TAFA5: variants seen among roughly 807,000 people sequenced by gnomAD.
TAFA5 encodes chemokine-like protein TAFA-5.
A neutral mutation model predicts 15.3 loss-of-function variants in TAFA5; 6 were observed. The observed-to-expected ratio is 0.39, with a 90% CI of 0.21 to 0.77. TAFA5 has a LOEUF of 0.77. Among genes scored for constraint, TAFA5 ranks in the 30% least tolerant of loss-of-function variants. The pLI is 0.41. For missense variants in TAFA5, 161 were observed against 193.1 expected (o/e 0.83, Z 0.98); for synonymous variants, 103 against 80.7 (o/e 1.28, Z -1.48).
At chr22:48,571,197 G>A (rs1923568508) in intron 1 of TAFA5, among the ~76,000 whole-genome samples, 2 of 151,694 alleles carry the variant, frequency 1.3e-5, no homozygotes, top group African/African-American at 4.8e-5. Context: ...TCTTTGAGAA[G>A]CCAGTGTTTC....
At chr22:48,745,881 G>A (rs995833104) in intron 3 of TAFA5, among the ~76,000 whole-genome samples, 3 of 152,204 alleles carry the variant, frequency 2.0e-5, no homozygotes, top group African/African-American at 7.2e-5. Context: ...GAGAGGCCTC[G>A]CTTCACCACA....
intron 1 of TAFA5, among the ~76,000 whole-genome samples, chr22:48,592,195 C>T (rs1048244722): frequency 2.6e-5 from 4 of 152,160 alleles, no homozygotes; most frequent in Non-Finnish European, 5.9e-5. Flanking sequence ...CAGTGCTGTG[C>T]CCAGGGCACT....
At chr22:48,505,156 A>G (rs1920981760) in intron 1 of TAFA5, among the ~76,000 whole-genome samples, 1 of 152,186 alleles carries the variant, frequency 6.6e-6, no homozygotes, top group Non-Finnish European at 1.5e-5. Flanking sequence ...TTCTCAGGTC[A>G]GAGGAGAAGC....
chr22:48,647,573 G>C (rs920254633), intron 2 of TAFA5, among the ~76,000 whole-genome samples: 2 of 152,138 alleles, frequency 1.3e-5, no homozygotes, highest in African/African-American at 4.8e-5. Flanking sequence ...AGTGTGTCCC[G>C]GGAAGGCATC....
At chr22:48,655,348 T>C (rs1927197880) in intron 2 of TAFA5, among the ~76,000 whole-genome samples, 1 of 152,200 alleles carries the variant, frequency 6.6e-6, no homozygotes, top group African/African-American at 2.4e-5. Context: ...TTGGTCCACT[T>C]TGTGATGTTG....
At chr22:48,732,661 C>A (rs1328458775) in intron 3 of TAFA5, among the ~76,000 whole-genome samples, 1 of 152,224 alleles carries the variant, frequency 6.6e-6, no homozygotes, top group Admixed American at 6.5e-5. Context: ...GTTGACAGTG[C>A]AGCGGCAGGT....
intron 1 of TAFA5, among the ~76,000 whole-genome samples, chr22:48,612,872 C>CGACTGGTCAT (rs1317653289): frequency 6.6e-6 from 1 of 152,142 alleles, no homozygotes; most frequent in Non-Finnish European, 1.5e-5. Context: ...GAGCCACGGC[C>CGACTGGTCAT]GACTGGTCAT....
intron 2 of TAFA5, among the ~76,000 whole-genome samples, chr22:48,664,843 G>A (rs57382044): frequency 0.054 from 8,199 of 152,222 alleles, 285 homozygotes; most frequent in East Asian, 0.14. Flanking sequence ...TGCCAAGGAC[G>A]GTAGACGTAC....
chr22:48,669,239 G>A (rs952442825), intron 2 of TAFA5, among the ~76,000 whole-genome samples: 8 of 152,214 alleles, frequency 5.3e-5, no homozygotes, highest in Non-Finnish European at 1.0e-4. Flanking sequence ...TGTTGTCTTG[G>A]CAGCCTGCGT....
intron 1 of TAFA5, among the ~76,000 whole-genome samples, chr22:48,596,755 A>G (rs564957205): frequency 8.5e-5 from 13 of 152,100 alleles, no homozygotes; most frequent in Admixed American, 5.2e-4. Flanking sequence ...CGTAGCATAC[A>G]GAGGGGCGCC....
At chr22:48,581,057 C>T (rs572462617) in intron 1 of TAFA5, among the ~76,000 whole-genome samples, 36 of 152,324 alleles carry the variant, frequency 2.4e-4, no homozygotes, top group Non-Finnish European at 3.5e-4. Context: ...AATGAAAAGG[C>T]GTTAAAAATA....
intron 3 of TAFA5, among the ~76,000 whole-genome samples, chr22:48,713,402 A>T (rs183711357): frequency 1.1e-4 from 16 of 152,318 alleles, no homozygotes; most frequent in African/African-American, 3.6e-4. Flanking sequence ...ACAAGAGGAC[A>T]CTGAGGTCTC....
At chr22:48,741,150 G>A (rs1251312843) in intron 3 of TAFA5, among the ~76,000 whole-genome samples, 1 of 152,150 alleles carries the variant, frequency 6.6e-6, no homozygotes, top group African/African-American at 2.4e-5. Flanking sequence ...GAGGCTCTGG[G>A]AAGTGAGGAG....
chr22:48,582,445 CCACA>C (rs1392524996), intron 1 of TAFA5, among the ~76,000 whole-genome samples: 4 of 150,112 alleles, frequency 2.7e-5, no homozygotes, highest in African/African-American at 7.4e-5. Context: ...ACAAAATACA[CCACA>C]TACCACACAC....
chr22:48,574,954 C>T (rs1923709731), intron 1 of TAFA5, among the ~76,000 whole-genome samples: 1 of 152,204 alleles, frequency 6.6e-6, no homozygotes, highest in Non-Finnish European at 1.5e-5. Flanking sequence ...AACAGTGCGC[C>T]CACGCTCTTG....
At chr22:48,640,816 G>C (rs1365505699) in intron 1 of TAFA5, among the ~76,000 whole-genome samples, 1 of 152,050 alleles carries the variant, frequency 6.6e-6, no homozygotes, top group Non-Finnish European at 1.5e-5. Context: ...GGTGTTGGTG[G>C]GGGTCTGCCC....
intron 1 of TAFA5, among the ~76,000 whole-genome samples, chr22:48,578,961 G>A (rs982907716): frequency 1.3e-5 from 2 of 152,228 alleles, no homozygotes; most frequent in Admixed American, 6.5e-5. Context: ...CAAGGCAGGC[G>A]GGTGGACAAT....
At chr22:48,731,978 G>T (rs927322274) in intron 3 of TAFA5, among the ~76,000 whole-genome samples, 1 of 152,168 alleles carries the variant, frequency 6.6e-6, no homozygotes. Context: ...CACCATTCTA[G>T]ACGTCATTAA....
chr22:48,606,099 T>C (rs1925184638), intron 1 of TAFA5, among the ~76,000 whole-genome samples: 1 of 152,200 alleles, frequency 6.6e-6, no homozygotes, highest in East Asian at 1.9e-4. Flanking sequence ...ACGTGACTGC[T>C]GGTGCACCTG....
Sources: allele counts gnomAD v4.1 joint callset (sites outside exome capture counted in the v4.1 genomes callset), GRCh38; gene constraint gnomAD v4.1.1; transcripts MANE v1.5; gene names NCBI Gene and HGNC (gene_info 2026-07-23, HGNC 2026-07-21).